Variants in YEATS2 observed in about 807,000 individuals in gnomAD.
YEATS2 encodes the protein YEATS domain containing 2, also known as YEATS domain-containing protein 2.
YEATS2 carries 77 observed loss-of-function variants against 163.2 expected under a neutral mutation model. The observed-to-expected ratio is 0.47, with a 90% CI of 0.39 to 0.57. YEATS2 has a LOEUF of 0.57. YEATS2 is among the 20% of genes least tolerant of loss of function. YEATS2 has a pLI of 0.00. For missense variants in YEATS2, 1,549 were observed against 1,729.8 expected (o/e 0.90, Z 1.85); for synonymous variants, 631 against 645.1 (o/e 0.98, Z 0.33).
chr3:183,716,900 T>C (rs1715939480), intron 2 of YEATS2, among the ~76,000 whole-genome samples: 1 of 151,898 alleles, frequency 6.6e-6, no homozygotes, highest in Non-Finnish European at 1.5e-5. Context: ...TTATTTTGTT[T>C]TGTTTGTGTC....
intron 19 of YEATS2, among the ~76,000 whole-genome samples, chr3:183,780,253 C>T (rs1471294905): frequency 3.3e-5 from 5 of 152,058 alleles, no homozygotes; most frequent in South Asian, 4.1e-4. Context: ...AAGGAGGAAG[C>T]GGGGGCGCAG....
chr3:183,763,237 G>C lies in YEATS2; in HGVS notation c.1947+958G>C, dbSNP rs145879236. Among the ~76,000 whole-genome samples, 42 of 152,184 alleles carry C rather than the reference G, an allele frequency of 2.8e-4. No homozygotes were observed. The East Asian group carries it at 4.2e-3, about 15-fold the overall frequency. On this transcript the variant is annotated intron_variant, in intron 15 of 30. Coordinates refer to ENST00000305135, the MANE Select transcript of YEATS2 (RefSeq NM_018023.5). ...GATAGAATAGCTAACTACACACTTA[G>C]GCTGTATGGTGTGGCCTATTGCTCC...
rs1726740843 is a variant in YEATS2 at position 183,810,898 on chromosome 3, G to A, written c.*315G>A. 1 of 308,698 alleles carries A rather than the reference G, an allele frequency of 3.2e-6. No homozygotes were observed. The highest frequency in any genetic ancestry group is 7.9e-5 in the East Asian group (1 of 12,738). 19.1% of individuals were successfully genotyped at this position (308,698 alleles called of 1,614,324 possible). ...CGTGTGCCTCAGGCCCTTCTCCCTG[G>A]GTGTGCTTAAGGGGGCTCCTTGGGC... On this transcript the variant is annotated 3_prime_UTR_variant, in exon 31 of 31. Transcript: ENST00000305135.
intron 19 of YEATS2, among the ~76,000 whole-genome samples, chr3:183,781,857 G>GGTGC (rs1723590712): frequency 6.6e-6 from 1 of 151,652 alleles, no homozygotes; most frequent in Admixed American, 6.6e-5. Flanking sequence ...GAGCCATGAT[G>GGTGC]GTGCCACTGC....
chr3:183,719,222 G>A (rs182595846), intron 4 of YEATS2, among the ~76,000 whole-genome samples: 9 of 150,026 alleles, frequency 6.0e-5, no homozygotes, highest in African/African-American at 2.2e-4. Flanking sequence ...GAGTGCAGTG[G>A]CCTCCCAGGT....
At chr3:183,796,275 G>T (rs571542344) in intron 21 of YEATS2, among the ~76,000 whole-genome samples, 1 of 151,290 alleles carries the variant, frequency 6.6e-6, no homozygotes, top group East Asian at 1.9e-4. Flanking sequence ...TGGGATTACA[G>T]GCGTGAGCCA....
intron 2 of YEATS2, 25 bp from the exon 3 acceptor site, chr3:183,717,626 G>T: frequency 6.7e-7 from 1 of 1,494,258 alleles, no homozygotes; most frequent in Non-Finnish European, 9.0e-7. Flanking sequence ...TTAGGCCTTG[G>T]ATGTATTTTA....
intron 20 of YEATS2, among the ~76,000 whole-genome samples, chr3:183,787,327 C>G (rs766070268): frequency 3.3e-5 from 5 of 152,134 alleles, no homozygotes; most frequent in Non-Finnish European, 7.3e-5. Context: ...TAGATTCTCA[C>G]CAGCGATATA....
intron 21 of YEATS2, among the ~76,000 whole-genome samples, chr3:183,792,959 A>G (rs1350608087): frequency 6.6e-6 from 1 of 152,244 alleles, no homozygotes; most frequent in African/African-American, 2.4e-5. Flanking sequence ...CAGGAAGCTA[A>G]TATAATATAT....
chr3:183,719,875 A>G (rs1307355814), intron 4 of YEATS2, among the ~76,000 whole-genome samples: 1 of 151,998 alleles, frequency 6.6e-6, no homozygotes, highest in Non-Finnish European at 1.5e-5. Context: ...CTAGTTTTTT[A>G]AGATTTAAAA....
At chr3:183,798,409 A>G (rs1725360413) in intron 22 of YEATS2, among the ~76,000 whole-genome samples, 1 of 152,190 alleles carries the variant, frequency 6.6e-6, no homozygotes, top group African/African-American at 2.4e-5. Flanking sequence ...GCTGGAGTGC[A>G]GTGGCAAGAT....
rs144390125 is a variant in YEATS2 at position 183,791,927 on chromosome 3, G to C, written c.3097+947G>C. ...GCTTCAGTTTCTCAGCTGTAAATGA[G>C]ATTGATAATAATACCTACTTCATAA... is the stretch of plus-strand genomic sequence containing the variant. On this transcript the variant is annotated intron_variant, in intron 21 of 30. Coordinates refer to ENST00000305135, the MANE Select transcript of YEATS2 (RefSeq NM_018023.5). 2.9e-3 allele frequency among the ~76,000 whole-genome samples: 446 copies of C among 152,260 alleles called. 3 individuals carry two copies. Among genetic ancestry groups the C allele is most frequent in the African/African-American group, 0.01 (433 of 41,544 alleles).
At position 183,772,552 on chromosome 3, in the gene YEATS2, C is replaced by G; in HGVS notation, c.2195C>G (p.Ser732Cys). The change falls in exon 16 of 31, where the codon TCC becomes TGC. Residue 732 changes from serine to cysteine, a missense_variant. Ser to Cys is a moderately radical substitution (Grantham distance 112). Coordinates refer to ENST00000305135, the MANE Select transcript of YEATS2 (RefSeq NM_018023.5). The stretch of plus-strand genomic sequence containing the variant: ...GCCGCTGGTCCTCAGAAGAGTGGAT[C>G]CCAGGGTTCAGGTAAAACGGATCAT... ...VTAAGPQKSGSQGSVMATLQL... is the reference protein window; with the variant it reads ...VTAAGPQKSGCQGSVMATLQL... 1 of 1,613,870 alleles carries G rather than the reference C, an allele frequency of 6.2e-7. No individual in the cohort carries two copies.
At chr3:183,799,091 C>A in intron 23 of YEATS2, 102 bp downstream of exon 23, 2 of 869,546 alleles carry the variant, frequency 2.3e-6, no homozygotes, top group Non-Finnish European at 3.8e-6. Flanking sequence ...GGGACATTAC[C>A]ATAATCTGAA....
In YEATS2 at chr3:183,761,500, C is replaced by T. The variant is rs1244493054; in HGVS notation, c.1657-7C>T. 1 of 1,611,780 alleles carries T rather than the reference C, an allele frequency of 6.2e-7. No homozygotes were observed. Among genetic ancestry groups the T allele is most frequent in the Non-Finnish European group, 8.5e-7 (1 of 1,177,966 alleles). Reference sequence around the variant, plus strand: ...TGATTGTAAAATATGTATTTTTACACACACAGCAGGAGGATTCTTTGTTTG... The same window carrying T: ...TGATTGTAAAATATGTATTTTTACATACACAGCAGGAGGATTCTTTGTTTG... On this transcript the variant is annotated splice_polypyrimidine_tract_variant and splice_region_variant and intron_variant, in intron 13 of 30. Transcript: ENST00000305135.
At chr3:183,722,281 T>A in intron 5 of YEATS2, 145 bp downstream of exon 5, 6 of 68,662 alleles carry the variant, frequency 8.7e-5, no homozygotes, top group Admixed American at 7.3e-4. Flanking sequence ...ACCAAATCTT[T>A]TTTTTTTTTT....
Position 183,761,705 on chromosome 3 carries a change from T to C in YEATS2, c.1764+91T>C, listed in dbSNP as rs995714153. The stretch of plus-strand genomic sequence containing the variant: ...GCCACTACCCCTACAACATGTTACT[T>C]TTTAGTGGGTCTCAACTCCTCATTC... On this transcript the variant is annotated intron_variant, in intron 14 of 30. Coordinates refer to ENST00000305135, the MANE Select transcript of YEATS2 (RefSeq NM_018023.5). 4.2e-6 allele frequency: 5 copies of C among 1,193,362 alleles called. 1 individual carries two copies. The highest frequency in any genetic ancestry group is 3.9e-4 in the Middle Eastern group (2 of 5,076). 73.9% of individuals were successfully genotyped at this position (1,193,362 alleles called of 1,614,324 possible).
rs1353011519 is a variant in YEATS2, at chr3:183,806,594, TG to T, written c.3785-270del. On this transcript the variant is annotated intron_variant, in intron 27 of 30. Transcript: ENST00000305135. ...AATACTCAGAGGGAGGGGGATGACC[TG>T]GTTTTTGGTGGCAGAAGTGAGAATT... 3.2e-4 allele frequency: 152 copies of T among 479,478 alleles called. 1 individual carries two copies. The highest frequency in any genetic ancestry group is 5.4e-5 in the Non-Finnish European group (14 of 261,588). The allele number at this position is 479,478 out of a possible 1,614,324, so 29.7% of individuals were successfully genotyped here. A position where few individuals can be genotyped will look rare whatever the true frequency, so the allele number is the denominator to read the frequency against.
chr3:183,739,268 G>A (rs1349224500), intron 8 of YEATS2, among the ~76,000 whole-genome samples: 1 of 151,396 alleles, frequency 6.6e-6, no homozygotes, highest in African/African-American at 2.4e-5. Flanking sequence ...AAAGTCTCAG[G>A]ATACAAAATC....
Sources: allele counts gnomAD v4.1 joint callset (sites outside exome capture counted in the v4.1 genomes callset), GRCh38; gene constraint gnomAD v4.1.1; transcripts MANE v1.5; gene names NCBI Gene and HGNC (gene_info 2026-07-23, HGNC 2026-07-21).